The following CCT5 variants were observed in gnomAD, a reference collection of about 807,000 sequenced individuals.
CCT5 encodes the protein T-complex protein 1 subunit epsilon.
In CCT5, 6 loss-of-function variants were observed where a neutral mutation model predicts 55.0. That is an observed-to-expected ratio of 0.11 (90% CI 0.06 to 0.22). The LOEUF (loss-of-function observed/expected upper bound fraction) is 0.22. Among genes scored for constraint, CCT5 ranks in the 10% least tolerant of loss-of-function variants. The probability of loss-of-function intolerance (pLI) is 1.00; values close to 1 mark genes in which losing one functional copy is unlikely to be tolerated. For synonymous variants in CCT5, 231 were observed against 243.7 expected, an observed-to-expected ratio of 0.95 and a Z score of 0.49; for missense variants, 560 against 694.6, an observed-to-expected ratio of 0.81 and a Z score of 2.18.
intron 10 of CCT5, 57 bp downstream of exon 10, chr5:10,263,371 T>G: frequency 1.4e-6 from 2 of 1,467,468 alleles, no homozygotes; most frequent in Non-Finnish European, 1.9e-6. Flanking sequence ...TTAAACTGAA[T>G]AATCATCCAC....
At chr5:10,253,292 G>A (rs1579446334) in intron 1 of CCT5, among the ~76,000 whole-genome samples, 1 of 150,220 alleles carries the variant, frequency 6.7e-6, no homozygotes, top group Admixed American at 6.6e-5. Flanking sequence ...TCATGCCACT[G>A]CACTCCAGCC....
At chr5:10,261,107 C>T in intron 7 of CCT5, 196 bp downstream of exon 7, 1 of 670,842 alleles carries the variant, frequency 1.5e-6, no homozygotes, top group Non-Finnish European at 2.7e-6. Flanking sequence ...CTGGTGTTCC[C>T]TGGCATTTTG....
intron 6 of CCT5, among the ~76,000 whole-genome samples, chr5:10,260,185 G>A (rs1160180529): frequency 6.6e-6 from 1 of 152,226 alleles, no homozygotes; most frequent in Non-Finnish European, 1.5e-5. Flanking sequence ...GGGGCACGGT[G>A]TGGCAGTCCC....
intron 7 of CCT5, 105 bp from the exon 8 acceptor site, chr5:10,261,455 G>T: frequency 9.5e-7 from 1 of 1,054,650 alleles, no homozygotes; most frequent in Non-Finnish European, 1.5e-6. Context: ...AGCAGTTCTA[G>T]TGAACAAGTT....
At chr5:10,260,769 G>A (rs1479404160) in intron 6 of CCT5, 23 bp from the exon 7 acceptor site, 70 of 1,611,996 alleles carry the variant, frequency 4.3e-5, no homozygotes, top group Non-Finnish European at 5.2e-5. Flanking sequence ...CTCTTAATAC[G>A]ATTGTGGTGG....
At chr5:10,255,907 G>T in intron 3 of CCT5, 48 bp from the exon 4 acceptor site, 2 of 1,538,984 alleles carry the variant, frequency 1.3e-6, no homozygotes. Flanking sequence ...TACTAAAAGT[G>T]AAGTTTTGTT....
At chr5:10,261,171 G>A (rs1193473890) in intron 7 of CCT5, 1 of 523,666 alleles carries the variant, frequency 1.9e-6, no homozygotes, top group Non-Finnish European at 3.5e-6. Context: ...TACTAAGGCT[G>A]GAAGACCTGG....
At chr5:10,259,655 G>A (rs995258644) in intron 6 of CCT5, among the ~76,000 whole-genome samples, 9 of 152,224 alleles carry the variant, frequency 5.9e-5, no homozygotes. Context: ...ATGCTCCTGA[G>A]CCAGGAACAT....
chr5:10,250,468 G>A, intron 1 of CCT5, 23 bp downstream of exon 1: 1 of 1,611,480 alleles, frequency 6.2e-7, no homozygotes. Context: ...GGACCTGCTC[G>A]CGGTGGGCTA....
rs1466211340 is a variant in CCT5 at position 10,264,694 on chromosome 5, A to G, written c.1537A>G (p.Lys513Glu). The G allele has an allele frequency of 6.2e-7, 1 of 1,613,862 alleles. No individual in the cohort carries two copies. Among genetic ancestry groups the G allele is most frequent in the Non-Finnish European group, 8.5e-7 (1 of 1,179,870 alleles). ...GCATGTCATAGAAACCTTGATTGGC[A>G]AAAAGCAACAGATATCTCTTGCAAC... ...QQHVIETLIG[K>E]KQQISLATQM... The change falls in exon 11 of 11, where the codon AAA becomes GAA. Residue 513 changes from lysine (K) to glutamate (E), a missense_variant. By Grantham distance (56) the Lys-to-Glu change is moderately conservative. Coordinates refer to ENST00000280326, the MANE Select transcript of CCT5 (RefSeq NM_012073.5).
intron 1 of CCT5, chr5:10,250,664 G>A: frequency 7.1e-7 from 1 of 1,408,468 alleles, no homozygotes; most frequent in South Asian, 1.5e-5. Context: ...GCCAGGCTGG[G>A]CCGCCAGCGC....
chr5:10,265,910 G>A lies in CCT5; in HGVS notation c.*1127G>A, dbSNP rs1443622767. 1 of 152,064 alleles carries A rather than the reference G, an allele frequency of 6.6e-6. No individual in the cohort carries two copies. Among genetic ancestry groups the A allele is most frequent in the Admixed American group, 6.6e-5 (1 of 15,264 alleles). 9.4% of individuals were successfully genotyped at this position (152,064 alleles called of 1,614,324 possible). A position where few individuals can be genotyped will look rare whatever the true frequency, so the allele number is the denominator to read the frequency against. On this transcript the variant is annotated 3_prime_UTR_variant, in exon 11 of 11. Coordinates refer to ENST00000280326, the MANE Select transcript of CCT5 (RefSeq NM_012073.5). ...GTCAGATTTCCTAGAATTAGGAAAT[G>A]GTGACTCTTGTCTAAATTTGGTTAA... is the stretch of plus-strand genomic sequence containing the variant.
chr5:10,257,086 T>G (rs1277311440), intron 4 of CCT5, among the ~76,000 whole-genome samples: 1 of 152,190 alleles, frequency 6.6e-6, no homozygotes, highest in Non-Finnish European at 1.5e-5. Flanking sequence ...GTGAGAGATG[T>G]TTTCAATTGT....
chr5:10,257,983 G>A (rs1745766267), intron 4 of CCT5, 128 bp from the exon 5 acceptor site: 2 of 959,902 alleles, frequency 2.1e-6, no homozygotes, highest in South Asian at 2.9e-5. Context: ...AGGTTGAGAT[G>A]GCATTCCCCT....
rs1164694240 is a variant in CCT5 at position 10,266,093 on chromosome 5, T to C, written c.*1310T>C. 1.3e-5 allele frequency: 2 copies of C among 152,214 alleles called. No individual in the cohort carries two copies. Among genetic ancestry groups the C allele is most frequent in the Non-Finnish European group, 2.9e-5 (2 of 68,030 alleles). The allele number at this position is 152,214 out of a possible 1,614,324, so 9.4% of individuals were successfully genotyped here. A position where few individuals can be genotyped will look rare whatever the true frequency, so the allele number is the denominator to read the frequency against. On this transcript the variant is annotated 3_prime_UTR_variant, in exon 11 of 11. Coordinates refer to ENST00000280326, the MANE Select transcript of CCT5 (RefSeq NM_012073.5). ...CTAATAGCAATCTTCCTAATTTTCA[T>C]GTTTATATGGAACTATGCAGTTGAG...
At chr5:10,260,937 T>G in intron 7 of CCT5, 26 bp downstream of exon 7, 1 of 1,613,220 alleles carries the variant, frequency 6.2e-7, no homozygotes, top group South Asian at 1.1e-5. Context: ...TGAAGAGACT[T>G]TGAGAAGTAG....
At chr5:10,254,392 C>CT (rs57187607) in intron 2 of CCT5, 187 bp downstream of exon 2, 15,820 of 512,486 alleles carry the variant, frequency 0.031, 131 homozygotes, top group African/African-American at 0.085. Flanking sequence ...TAGGTCGGAC[C>CT]TTTTTTTTTT....
At chr5:10,254,919 G>A in intron 3 of CCT5, 81 bp downstream of exon 3, 1 of 1,166,802 alleles carries the variant, frequency 8.6e-7, no homozygotes, top group Non-Finnish European at 1.3e-6. Flanking sequence ...TGAGATTGTT[G>A]TCTCTGAATC....
chr5:10,258,633 A>G, intron 6 of CCT5, 98 bp downstream of exon 6: 1 of 1,175,752 alleles, frequency 8.5e-7, no homozygotes, highest in Non-Finnish European at 1.3e-6. Context: ...TTCAGTTCTA[A>G]AACATACACA....
Sources: allele counts gnomAD v4.1 joint callset (sites outside exome capture counted in the v4.1 genomes callset), GRCh38; gene constraint gnomAD v4.1.1; transcripts MANE v1.5; gene names NCBI Gene and HGNC (gene_info 2026-07-23, HGNC 2026-07-21).